The following NEK5 variants were observed in gnomAD, a reference collection of about 807,000 sequenced individuals.
NEK5 encodes serine/threonine-protein kinase Nek5.
In NEK5, 88 loss-of-function variants were observed where a neutral mutation model predicts 109.2. That is an observed-to-expected ratio of 0.81 (90% CI 0.68 to 0.96). The LOEUF (loss-of-function observed/expected upper bound fraction) is 0.96, where lower values mean the gene tolerates loss of function less well. NEK5 is among the 40% of genes least tolerant of loss of function. NEK5 has a pLI of 0.00. For missense variants in NEK5, 834 were observed against 920.7 expected (o/e 0.91, Z 1.22); for synonymous variants, 283 against 299.9 (o/e 0.94, Z 0.58).
At chr13:52,051,601 G>T (rs1449504900) in intron 22 of NEK5, among the ~76,000 whole-genome samples, 1 of 152,142 alleles carries the variant, frequency 6.6e-6, no homozygotes, top group Non-Finnish European at 1.5e-5. Context: ...GTGTGCAATG[G>T]CTGACGAGTC....
intron 22 of NEK5, among the ~76,000 whole-genome samples, chr13:52,055,646 A>G (rs1410753630): frequency 6.6e-6 from 1 of 152,190 alleles, no homozygotes; most frequent in Non-Finnish European, 1.5e-5. Flanking sequence ...CCAATATTCA[A>G]CATTCTTAAA....
intron 3 of NEK5, among the ~76,000 whole-genome samples, chr13:52,125,789 G>A (rs1200528526): frequency 2.6e-5 from 4 of 152,142 alleles, no homozygotes; most frequent in African/African-American, 4.8e-5. Context: ...GCCTGAGGGA[G>A]AGCAGTCAGA....
chr13:52,096,262 C>A (rs565623510), intron 12 of NEK5, among the ~76,000 whole-genome samples: 13 of 152,190 alleles, frequency 8.5e-5, no homozygotes, highest in African/African-American at 3.1e-4. Context: ...TATAAAGATA[C>A]CTGAAAATGT....
At chr13:52,087,122 T>G (rs1438699622) in intron 15 of NEK5, among the ~76,000 whole-genome samples, 1 of 152,226 alleles carries the variant, frequency 6.6e-6, no homozygotes, top group African/African-American at 2.4e-5. Flanking sequence ...GATGGACAGT[T>G]ACTCTATGAA....
intron 9 of NEK5, among the ~76,000 whole-genome samples, 173 bp from the exon 10 acceptor site, chr13:52,102,465 A>T (rs569959274): frequency 6.6e-6 from 1 of 152,362 alleles, no homozygotes; most frequent in South Asian, 2.1e-4. Flanking sequence ...AGGCAGGAGG[A>T]TCACTTGAGC....
At chr13:52,112,815 C>T (rs1008921429) in intron 4 of NEK5, among the ~76,000 whole-genome samples, 9 of 152,106 alleles carry the variant, frequency 5.9e-5, no homozygotes, top group Non-Finnish European at 1.3e-4. Flanking sequence ...TTGTTGAATA[C>T]AATAGAAACT....
At chr13:52,112,126 T>G (rs1361990374) in intron 5 of NEK5, 142 bp downstream of exon 5, 1 of 458,510 alleles carries the variant, frequency 2.2e-6, no homozygotes, top group Non-Finnish European at 3.9e-6. Context: ...ACCAAGAATA[T>G]TGATCCACTA....
chr13:52,043,446 G>A (rs566374005), intron 23 of NEK5, among the ~76,000 whole-genome samples: 1 of 148,786 alleles, frequency 6.7e-6, no homozygotes, highest in South Asian at 2.1e-4. Context: ...CTGAGGCAGA[G>A]AATTGGCTTG....
intron 3 of NEK5, among the ~76,000 whole-genome samples, chr13:52,124,249 G>A (rs987995988): frequency 3.3e-5 from 5 of 152,096 alleles, no homozygotes; most frequent in Admixed American, 3.3e-4. Flanking sequence ...TGATGTCACT[G>A]CACTCCTGCC....
Position 52,061,797 on chromosome 13 carries a change from TTGTTAAAAATAA to T in NEK5, c.2110+10_2110+21del. On this transcript the variant is annotated intron_variant, in intron 22 of 23. Transcript: ENST00000684899. ...AAAATTCCTCTGAGGACTGGTTATG[TTGTTAAAAATAA>T]ACTACATACCAAATTCTTCATCGGC... The T allele has an allele frequency of 1.0e-6, 1 of 976,164 alleles. No individual in the cohort carries two copies. The highest frequency in any genetic ancestry group is 1.2e-6 in the Non-Finnish European group (1 of 821,162). The allele number at this position is 976,164 out of a possible 1,614,324, so 60.5% of individuals were successfully genotyped here. A position where few individuals can be genotyped will look rare whatever the true frequency, so the allele number is the denominator to read the frequency against.
intron 20 of NEK5, among the ~76,000 whole-genome samples, chr13:52,071,367 A>G (rs939263401): frequency 1.3e-5 from 2 of 152,192 alleles, no homozygotes; most frequent in Non-Finnish European, 2.9e-5. Flanking sequence ...CCTTATCAGC[A>G]TGTAGCTCCT....
chr13:52,045,492 A>G (rs1309102151), intron 23 of NEK5, among the ~76,000 whole-genome samples: 2 of 150,220 alleles, frequency 1.3e-5, no homozygotes, highest in Non-Finnish European at 3.0e-5. Context: ...GGGGCCGAGC[A>G]CGGTGGCGCA....
At chr13:52,108,294 T>TTTCCTGATC (rs1955691972) in intron 8 of NEK5, 24 bp downstream of exon 8, 1 of 1,430,194 alleles carries the variant, frequency 7.0e-7, no homozygotes, top group African/African-American at 1.4e-5. Flanking sequence ...ACTGACACTT[T>TTTCCTGATC]CAAACTAAGA....
Position 52,099,768 on chromosome 13 carries a change from G to A in NEK5, c.1001C>T (p.Pro334Leu), listed in dbSNP as rs78636974. ...AGATCTGGCCTTCTGGGCTCCAGCT[G>A]GTGGTCTCCATTCATTTCTATGCAA... ...AILHRNEWRP[P>L]AGAQKARSIK... The change falls in exon 12 of 24, where the codon CCA becomes CTA. Residue 334 changes from proline to leucine, a missense_variant. By Grantham distance (98) the Pro-to-Leu change is moderately conservative. Around this residue, in one of 2 missense-constraint regions of NEK5, gnomAD observed 777 missense variants for 824.7 expected, o/e 0.94. Transcript: ENST00000684899. 16 of 1,613,708 alleles carry A rather than the reference G, an allele frequency of 9.9e-6. No individual in the cohort carries two copies. Among genetic ancestry groups the A allele is most frequent in the Non-Finnish European group, 1.4e-5 (16 of 1,179,756 alleles).
At position 52,102,274 on chromosome 13, in the gene NEK5, G is replaced by C; in HGVS notation, c.628C>G (p.Gln210Glu). 1.2e-6 allele frequency: 2 copies of C among 1,613,994 alleles called. No individual in the cohort carries two copies. The highest frequency in any genetic ancestry group is 2.2e-5 in the East Asian group (1 of 44,886). Residue 210 changes from glutamine (Q) to glutamate (E), a missense_variant, in exon 10 of 24, where the codon CAG (glutamine) becomes GAG (glutamate). Coordinates refer to ENST00000684899, the MANE Select transcript of NEK5 (RefSeq NM_001365552.1). ...LKHPFEGNNL[Q>E]QLVLKICQAH... ...TGACAAATCTTCAGAACCAGCTGCT[G>C]TAAGTTGTTACCCTCAAACTGAAAG...
intron 16 of NEK5, among the ~76,000 whole-genome samples, chr13:52,085,457 CATTT>C (rs1484225938): frequency 6.6e-6 from 1 of 152,136 alleles, no homozygotes; most frequent in African/African-American, 2.4e-5. Context: ...ACCATACATT[CATTT>C]GACTTATATG....
intron 13 of NEK5, among the ~76,000 whole-genome samples, chr13:52,089,887 G>A (rs1276674317): frequency 6.6e-6 from 1 of 151,936 alleles, no homozygotes. Flanking sequence ...AGGCTGAGCA[G>A]GGAGGCAGAG....
At chr13:52,080,284 C>G (rs11148237) in intron 17 of NEK5, among the ~76,000 whole-genome samples, 2 of 148,238 alleles carry the variant, frequency 1.3e-5, no homozygotes, top group Non-Finnish European at 3.0e-5. Context: ...GTCAGCCCCC[C>G]GCCCGGCCAG....
intron 7 of NEK5, among the ~76,000 whole-genome samples, chr13:52,108,931 C>T (rs1049065372): frequency 1.3e-5 from 2 of 152,158 alleles, no homozygotes; most frequent in African/African-American, 4.8e-5. Flanking sequence ...TCTTCAAAAC[C>T]ATAAATGTTT....
Sources: gnomAD v4.1 joint callset for allele counts (sites outside exome capture counted in the v4.1 genomes callset) on GRCh38, gnomAD v4.1.1 for gene constraint, gnomAD v4.1.1 regional missense constraint, MANE v1.5 for transcripts, NCBI Gene and HGNC (gene_info 2026-07-23, HGNC 2026-07-21) for gene names.